Variants in DCC observed in about 807,000 individuals in gnomAD.
DCC encodes the protein netrin receptor DCC.
In DCC, 58 loss-of-function variants were observed where a neutral mutation model predicts 172.5. The observed-to-expected ratio is 0.34, with a 90% CI of 0.27 to 0.42. The LOEUF is 0.42. DCC is among the 10% of genes least tolerant of loss of function. The probability of loss-of-function intolerance (pLI) is 1.00; values close to 1 mark genes in which losing one functional copy is unlikely to be tolerated. For synonymous variants in DCC, 709 were observed against 644.5 expected (o/e 1.10, Z -1.52); for missense variants, 1,740 against 1,791.0 (o/e 0.97, Z 0.51).
At chr18:52,519,106 A>T (rs2031730551) in intron 1 of DCC, among the ~76,000 whole-genome samples, 1 of 152,232 alleles carries the variant, frequency 6.6e-6, no homozygotes, top group Admixed American at 6.5e-5. Context: ...TCTGAATGAC[A>T]ACTTTTCTAT....
chr18:52,996,775 T>C (rs1398262824), intron 5 of DCC, among the ~76,000 whole-genome samples: 1 of 12,968 alleles, frequency 7.7e-5, no homozygotes, highest in Non-Finnish European at 1.6e-4. Flanking sequence ...CCTTTTTCTT[T>C]TTTTTTTTTT....
intron 2 of DCC, among the ~76,000 whole-genome samples, chr18:52,874,104 C>T (rs1316360506): frequency 1.3e-5 from 2 of 152,062 alleles, no homozygotes; most frequent in South Asian, 2.1e-4. Context: ...AAGTTAAATT[C>T]CTTATGGCTA....
At chr18:52,738,838 C>T (rs1274191222) in intron 1 of DCC, among the ~76,000 whole-genome samples, 1 of 149,386 alleles carries the variant, frequency 6.7e-6, no homozygotes, top group African/African-American at 2.5e-5. Context: ...CTCCTGGGCT[C>T]AAGCAGTCTT....
At chr18:52,911,221 C>A (rs1026569565) in intron 3 of DCC, among the ~76,000 whole-genome samples, 9 of 152,090 alleles carry the variant, frequency 5.9e-5, no homozygotes, top group Admixed American at 5.9e-4. Context: ...GTAGTTAATT[C>A]GCGTAGCCCT....
At chr18:52,358,929 C>CA (rs1419696340) in intron 1 of DCC, among the ~76,000 whole-genome samples, 1 of 152,198 alleles carries the variant, frequency 6.6e-6, no homozygotes, top group African/African-American at 2.4e-5. Flanking sequence ...AAGACTGTCC[C>CA]AATGTTGATT....
At chr18:52,444,605 CTTTAG>C (rs1314418866) in intron 1 of DCC, among the ~76,000 whole-genome samples, 1 of 152,124 alleles carries the variant, frequency 6.6e-6, no homozygotes, top group Non-Finnish European at 1.5e-5. Context: ...GAATAGCTGA[CTTTAG>C]TTTATAGCAG....
At position 52,387,836 on chromosome 18, in the gene DCC, A is replaced by G. The variant is rs184308048; in HGVS notation, c.91+46958A>G. ...CCAAAAGAACTCTTTTTCTCTTTAC[A>G]TTTTGCTTTGGATAGGAAAATAATA... On this transcript the variant is annotated intron_variant, in intron 1 of 28. Coordinates refer to ENST00000442544, the MANE Select transcript of DCC (RefSeq NM_005215.4). 9.3e-4 allele frequency among the ~76,000 whole-genome samples: 142 copies of G among 152,108 alleles called. 2 individuals are homozygous for G. The highest frequency in any genetic ancestry group is 2.9e-3 in the African/African-American group (121 of 41,490).
intron 2 of DCC, among the ~76,000 whole-genome samples, chr18:52,886,056 C>A (rs1455372885): frequency 6.6e-6 from 1 of 151,760 alleles, no homozygotes; most frequent in East Asian, 2.0e-4. Flanking sequence ...TTCCTCTTCT[C>A]TCTCCTCACC....
chr18:52,768,541 A>G (rs1275932484), intron 2 of DCC, among the ~76,000 whole-genome samples: 1 of 152,210 alleles, frequency 6.6e-6, no homozygotes, highest in Non-Finnish European at 1.5e-5. Context: ...ATATTTTACC[A>G]CGACAAAAAC....
intron 1 of DCC, among the ~76,000 whole-genome samples, chr18:52,406,414 A>G (rs558462192): frequency 2.6e-5 from 4 of 152,098 alleles, no homozygotes; most frequent in South Asian, 2.1e-4. Context: ...AATTTTCGCA[A>G]CCTACTCATC....
chr18:53,121,946 TA>T (rs1184839856), intron 7 of DCC, among the ~76,000 whole-genome samples: 5 of 151,934 alleles, frequency 3.3e-5, no homozygotes, highest in Non-Finnish European at 1.5e-5. Context: ...CACTCAGTGA[TA>T]AATACCCTGA....
intron 1 of DCC, among the ~76,000 whole-genome samples, chr18:52,688,529 A>T (rs1441549597): frequency 2.0e-5 from 3 of 152,094 alleles, no homozygotes; most frequent in Non-Finnish European, 4.4e-5. Flanking sequence ...AAAGTAGCAG[A>T]TATGTAGGAT....
intron 11 of DCC, among the ~76,000 whole-genome samples, chr18:53,210,584 A>G (rs554883208): frequency 4.0e-4 from 61 of 152,318 alleles, no homozygotes; most frequent in African/African-American, 1.4e-3. Flanking sequence ...AAATTTCTGT[A>G]TGCAAAGGCT....
In DCC at chr18:52,389,884, A is replaced by C. The variant is rs541556688; in HGVS notation, c.91+49006A>C. On this transcript the variant is annotated intron_variant, in intron 1 of 28. Coordinates refer to ENST00000442544, the MANE Select transcript of DCC (RefSeq NM_005215.4). The stretch of plus-strand genomic sequence containing the variant: ...ATTGTTGATTGATTCAATGAATAAA[A>C]ACAAACACTTTCTTGTATTGAGAAA... Among the ~76,000 whole-genome samples, 3 of 152,234 alleles carry C rather than the reference A, an allele frequency of 2.0e-5. No homozygotes were observed. The South Asian group carries it at 6.2e-4, about 32-fold the overall frequency.
chr18:53,095,243 T>G (rs1175172519), intron 7 of DCC, among the ~76,000 whole-genome samples: 1 of 152,188 alleles, frequency 6.6e-6, no homozygotes, highest in Non-Finnish European at 1.5e-5. Context: ...AACCACAGAA[T>G]GAAGTCTGAA....
intron 19 of DCC, among the ~76,000 whole-genome samples, chr18:53,409,931 TC>T (rs761309355): frequency 2.6e-5 from 4 of 152,150 alleles, no homozygotes; most frequent in Non-Finnish European, 5.9e-5. Context: ...AGCTTCACCG[TC>T]TGTGAAAGGA....
chr18:53,133,013 A>C (rs143785780), intron 7 of DCC, among the ~76,000 whole-genome samples: 1 of 152,326 alleles, frequency 6.6e-6, no homozygotes, highest in African/African-American at 2.4e-5. Flanking sequence ...AACCATAAGT[A>C]AGAATCTTGT....
At chr18:52,668,055 C>CAA (rs1315831967) in intron 1 of DCC, among the ~76,000 whole-genome samples, 2 of 136,922 alleles carry the variant, frequency 1.5e-5, no homozygotes, top group Non-Finnish European at 3.3e-5. Flanking sequence ...AAAAAAACAA[C>CAA]AACAAAAAAA....
chr18:53,143,161 A>G (rs566121844), intron 7 of DCC, among the ~76,000 whole-genome samples: 1 of 150,748 alleles, frequency 6.6e-6, no homozygotes, highest in South Asian at 2.1e-4. Context: ...TCATCTCCAT[A>G]CTCTTTTCTT....
Sources: gnomAD v4.1 joint callset for allele counts (sites outside exome capture counted in the v4.1 genomes callset) on GRCh38, gnomAD v4.1.1 for gene constraint, MANE v1.5 for transcripts, NCBI Gene and HGNC (gene_info 2026-07-23, HGNC 2026-07-21) for gene names.